Variants in PSMD1 observed in about 807,000 individuals in gnomAD.
PSMD1 encodes proteasome 26S subunit, non-ATPase 1.
In PSMD1, 18 loss-of-function variants were observed where a neutral mutation model predicts 119.0. The observed-to-expected ratio is 0.15, with a 90% CI of 0.10 to 0.22. The LOEUF (loss-of-function observed/expected upper bound fraction) is 0.22, where lower values mean the gene tolerates loss of function less well. Among genes scored for constraint, PSMD1 ranks in the 10% least tolerant of loss-of-function variants. The pLI is 1.00. For missense variants in PSMD1, 702 were observed against 1,158.5 expected (o/e 0.61, Z 5.72); for synonymous variants, 374 against 396.6 (o/e 0.94, Z 0.68).
At chr2:231,071,297 G>T (rs1694036311) in intron 6 of PSMD1, among the ~76,000 whole-genome samples, 1 of 151,064 alleles carries the variant, frequency 6.6e-6, no homozygotes, top group Non-Finnish European at 1.5e-5. Context: ...AAACTTTATT[G>T]CTCATTTTTA....
intron 16 of PSMD1, among the ~76,000 whole-genome samples, chr2:231,092,297 G>A (rs150295693): frequency 3.3e-5 from 5 of 152,246 alleles, no homozygotes; most frequent in East Asian, 1.9e-4. Flanking sequence ...AATTAGTGAC[G>A]CATGAGGCAA....
chr2:231,136,386 T>C (rs952407884), intron 16 of PSMD1, among the ~76,000 whole-genome samples: 3 of 152,232 alleles, frequency 2.0e-5, no homozygotes, highest in Non-Finnish European at 4.4e-5. Context: ...TTTTGAATTT[T>C]TTTAAAGTAT....
Position 231,061,153 on chromosome 2 carries a change from G to T in PSMD1, c.17-114G>T, listed in dbSNP as rs879555321. On this transcript the variant is annotated intron_variant, in intron 1 of 24. Coordinates refer to ENST00000308696, the MANE Select transcript of PSMD1 (RefSeq NM_002807.4). ...AAAGAAAAATAATCATTCCCCTGGA[G>T]AAGTTACGCCTCAAAAAAATTGTTT... 2.4e-5 allele frequency: 16 copies of T among 664,610 alleles called. No homozygotes were observed. The Admixed American group carries it at 4.4e-4, about 18-fold the overall frequency. 41.2% of individuals were successfully genotyped at this position (664,610 alleles called of 1,614,324 possible).
intron 4 of PSMD1, among the ~76,000 whole-genome samples, chr2:231,064,681 GT>G (rs1693854363): frequency 6.6e-6 from 1 of 152,118 alleles, no homozygotes; most frequent in Non-Finnish European, 1.5e-5. Flanking sequence ...TTGTCTGTTT[GT>G]TTTTTGGCAG....
chr2:231,061,188 C>A, intron 1 of PSMD1, 79 bp from the exon 2 acceptor site: 1 of 1,118,384 alleles, frequency 8.9e-7, no homozygotes, highest in Non-Finnish European at 1.3e-6. Flanking sequence ...TTTCAGCCAT[C>A]ATGTATTTTT....
At chr2:231,143,481 G>C (rs1696179038) in intron 17 of PSMD1, among the ~76,000 whole-genome samples, 1 of 152,172 alleles carries the variant, frequency 6.6e-6, no homozygotes, top group Admixed American at 6.5e-5. Context: ...ACCTGCCTCG[G>C]CCTCCCAAAG....
At chr2:231,110,537 T>G (rs937491423) in intron 16 of PSMD1, among the ~76,000 whole-genome samples, 1 of 152,182 alleles carries the variant, frequency 6.6e-6, no homozygotes, top group Non-Finnish European at 1.5e-5. Context: ...CTGGAATCCT[T>G]GTGTTGTTTT....
At chr2:231,110,829 C>G (rs1199096360) in intron 16 of PSMD1, among the ~76,000 whole-genome samples, 3 of 152,188 alleles carry the variant, frequency 2.0e-5, no homozygotes, top group South Asian at 2.1e-4. Context: ...TGCTTTTGTT[C>G]TACTGCAGCA....
rs140917596 is a variant in PSMD1 at position 231,144,812 on chromosome 2, A to G, written c.1999-1428A>G. Among the ~76,000 whole-genome samples, 1,200 of 152,164 alleles carry G rather than the reference A, an allele frequency of 7.9e-3. 23 individuals are homozygous for G. Among genetic ancestry groups the G allele is most frequent in the African/African-American group, 0.028 (1,153 of 41,518 alleles). ...TTTGGGCAAGTTATTTAACCTTTCTATCTCTCAGTTTCTTTGTTTATAAAG... is the reference window on the plus strand; with the variant it reads ...TTTGGGCAAGTTATTTAACCTTTCTGTCTCTCAGTTTCTTTGTTTATAAAG... On this transcript the variant is annotated intron_variant, in intron 17 of 24. Coordinates refer to ENST00000308696, the MANE Select transcript of PSMD1 (RefSeq NM_002807.4).
intron 23 of PSMD1, among the ~76,000 whole-genome samples, chr2:231,167,756 G>A (rs1409382666): frequency 6.6e-6 from 1 of 152,212 alleles, no homozygotes; most frequent in Non-Finnish European, 1.5e-5. Context: ...TGATAAGACA[G>A]TTACATCTAG....
At chr2:231,105,040 C>T (rs1247548463) in intron 16 of PSMD1, among the ~76,000 whole-genome samples, 2 of 152,092 alleles carry the variant, frequency 1.3e-5, no homozygotes, top group Non-Finnish European at 1.5e-5. Context: ...ATACTAAAAA[C>T]ATGTTAGTAA....
At chr2:231,109,548 C>A in intron 16 of PSMD1, 1 of 727,428 alleles carries the variant, frequency 1.4e-6, no homozygotes. Context: ...CAGGATTTGT[C>A]GAAGCATTCA....
At chr2:231,167,088 C>T (rs890640926) in intron 23 of PSMD1, among the ~76,000 whole-genome samples, 1 of 152,140 alleles carries the variant, frequency 6.6e-6, no homozygotes, top group African/African-American at 2.4e-5. Flanking sequence ...ATGTAAAGCA[C>T]CTAAAACAAT....
In PSMD1 at chr2:231,144,418, A is replaced by ATTTT. The variant is rs751682132; in HGVS notation, c.1999-1793_1999-1790dup. ...AGGCACCCGCCACCACGCCCAGCTA[A>ATTTT]TTTTTTTTTTTTTTTTTTTTTTTTT... is the stretch of plus-strand genomic sequence containing the variant. On this transcript the variant is annotated intron_variant, in intron 17 of 24. Coordinates refer to ENST00000308696, the MANE Select transcript of PSMD1 (RefSeq NM_002807.4). Among the ~76,000 whole-genome samples the ATTTT allele has an allele frequency of 3.5e-3, 263 of 75,144 alleles. 1 individual carries two copies. Among genetic ancestry groups the ATTTT allele is most frequent in the East Asian group, 8.2e-3 (18 of 2,208 alleles). 49.3% of individuals were successfully genotyped at this position (75,144 alleles called of 152,430 possible).
At chr2:231,103,746 T>C (rs1320223607) in intron 16 of PSMD1, among the ~76,000 whole-genome samples, 1 of 152,188 alleles carries the variant, frequency 6.6e-6, no homozygotes, top group East Asian at 1.9e-4. Context: ...AACTAGACTC[T>C]TTATCTGTTT....
chr2:231,088,161 C>T (rs538539711), intron 16 of PSMD1, among the ~76,000 whole-genome samples: 34 of 152,040 alleles, frequency 2.2e-4, no homozygotes, highest in African/African-American at 8.2e-4. Flanking sequence ...TATGCAATGC[C>T]CTTAGAGTGG....
chr2:231,170,634 G>A lies in PSMD1; in HGVS notation c.2784G>A (p.Val928=), dbSNP rs767877794. The part of the protein sequence containing the change: ...SEDIEELVEP[V]AAHGPKIEEE... ...ACATTGAGGAGCTGGTGGAACCTGT[G>A]GCAGCACATGGCCCAAAAATCGAGG... Residue 928 remains valine (V), a synonymous_variant, in exon 24 of 25, where the codon GTG becomes GTA. Coordinates refer to ENST00000308696, the MANE Select transcript of PSMD1 (RefSeq NM_002807.4). The surrounding 1 kb of genome is among the most constrained non-coding windows in gnomAD (Gnocchi z 4.1). The A allele has an allele frequency of 1.6e-5, 26 of 1,613,996 alleles. No individual in the cohort carries two copies. The highest frequency in any genetic ancestry group is 2.2e-5 in the Non-Finnish European group (26 of 1,180,000).
chr2:231,114,842 C>T (rs1218461950), intron 16 of PSMD1, among the ~76,000 whole-genome samples: 1 of 152,074 alleles, frequency 6.6e-6, no homozygotes, highest in Non-Finnish European at 1.5e-5. Context: ...ATATTACACC[C>T]ACCACTTAAC....
At chr2:231,090,411 T>C (rs1219379263) in intron 16 of PSMD1, among the ~76,000 whole-genome samples, 1 of 152,028 alleles carries the variant, frequency 6.6e-6, no homozygotes, top group African/African-American at 2.4e-5. Flanking sequence ...ATACAAAAAT[T>C]AGCTGGACAT....
Sources: gnomAD v4.1 joint callset for allele counts (sites outside exome capture counted in the v4.1 genomes callset) on GRCh38, gnomAD v4.1.1 for gene constraint, Gnocchi (gnomAD v3.1) non-coding constraint, MANE v1.5 for transcripts, NCBI Gene and HGNC (gene_info 2026-07-23, HGNC 2026-07-21) for gene names.